Variants in ST3GAL1 observed in about 807,000 individuals in gnomAD.
ST3GAL1 encodes the protein ST3 beta-galactoside alpha-2,3-sialyltransferase 1.
Under a neutral mutation model 34.1 loss-of-function variants are expected in ST3GAL1, and 16 were observed. The observed-to-expected ratio is 0.47, with a 90% CI of 0.32 to 0.71. ST3GAL1 has a LOEUF of 0.71. Ranked by LOEUF, ST3GAL1 falls within the 30% of genes least tolerant of loss-of-function variation. ST3GAL1 has a pLI of 0.04. For missense variants in ST3GAL1, 353 were observed against 447.4 expected (o/e 0.79, Z 1.90); for synonymous variants, 191 against 184.7 (o/e 1.03, Z -0.28).
At chr8:133,474,747 C>A (rs1019544931) in intron 5 of ST3GAL1, among the ~76,000 whole-genome samples, 5 of 152,180 alleles carry the variant, frequency 3.3e-5, no homozygotes, top group African/African-American at 1.2e-4. Context: ...GCCTTCTCTG[C>A]CTGTGGGTCT....
chr8:133,493,547 C>T (rs1284024106), intron 3 of ST3GAL1, among the ~76,000 whole-genome samples: 1 of 152,092 alleles, frequency 6.6e-6, no homozygotes, highest in African/African-American at 2.4e-5. Flanking sequence ...GAAACATGAT[C>T]TAAAGAAAAA....
intron 2 of ST3GAL1, among the ~76,000 whole-genome samples, chr8:133,520,474 C>T (rs1817770749): frequency 6.6e-6 from 1 of 152,176 alleles, no homozygotes; most frequent in South Asian, 2.1e-4. Flanking sequence ...TCACAAGTCA[C>T]TGTGAAAAGC....
intron 2 of ST3GAL1, among the ~76,000 whole-genome samples, chr8:133,540,982 CA>C (rs1563734358): frequency 1.1e-5 from 1 of 92,986 alleles, no homozygotes; most frequent in African/African-American, 3.7e-5. Context: ...TATATGCAGA[CA>C]TATATATAGA....
chr8:133,492,216 G>A (rs1360970760), intron 3 of ST3GAL1, among the ~76,000 whole-genome samples: 2 of 152,134 alleles, frequency 1.3e-5, no homozygotes, highest in African/African-American at 2.4e-5. Flanking sequence ...GGGGTCAGGA[G>A]GCGTGGACCA....
Position 133,458,531 on chromosome 8 carries a change from G to A in ST3GAL1, c.*1233C>T, listed in dbSNP as rs1815381981. ...CTTTGGAGGTTACGGGCACCATATT[G>A]AACAGTCTGAGAATGAGAATGTACG... On this transcript the variant is annotated 3_prime_UTR_variant, in exon 10 of 10. Coordinates refer to ENST00000522652, the MANE Select transcript of ST3GAL1 (RefSeq NM_173344.3). 6.6e-6 allele frequency: 1 copy of A among 152,166 alleles called. No individual in the cohort carries two copies. Among genetic ancestry groups the A allele is most frequent in the Non-Finnish European group, 1.5e-5 (1 of 68,062 alleles). 9.4% of individuals were successfully genotyped at this position (152,166 alleles called of 1,614,324 possible). A position where few individuals can be genotyped will look rare whatever the true frequency, so the allele number is the denominator to read the frequency against.
At chr8:133,557,597 C>G (rs1441480620) in intron 1 of ST3GAL1, among the ~76,000 whole-genome samples, 1 of 152,174 alleles carries the variant, frequency 6.6e-6, no homozygotes, top group African/African-American at 2.4e-5. Context: ...CACCTGTAAT[C>G]CCAGCACTTT....
intron 2 of ST3GAL1, among the ~76,000 whole-genome samples, chr8:133,518,674 CAT>C (rs1248291098): frequency 1.3e-5 from 2 of 152,172 alleles, no homozygotes; most frequent in African/African-American, 4.8e-5. Flanking sequence ...GTCAGGTAAA[CAT>C]AGTGACAAGC....
intron 7 of ST3GAL1, among the ~76,000 whole-genome samples, chr8:133,464,302 A>G (rs1298954907): frequency 6.6e-6 from 1 of 152,196 alleles, no homozygotes; most frequent in Non-Finnish European, 1.5e-5. Context: ...CCTGATTGTC[A>G]GGGAAGCCAC....
At position 133,467,677 on chromosome 8, in the gene ST3GAL1, G is replaced by A. The variant is rs113412575; in HGVS notation, c.307-1587C>T. Among the ~76,000 whole-genome samples, 164 of 152,278 alleles carry A rather than the reference G, an allele frequency of 1.1e-3. No individual in the cohort carries two copies. Among genetic ancestry groups the A allele is most frequent in the African/African-American group, 3.8e-3 (159 of 41,580 alleles). On this transcript the variant is annotated intron_variant, in intron 5 of 9. Coordinates refer to ENST00000522652, the MANE Select transcript of ST3GAL1 (RefSeq NM_173344.3). The surrounding 1 kb of genome is among the most constrained non-coding windows in gnomAD (Gnocchi z 4.2). ...TCCCATCGGCTACTCCGGGCCCCAG[G>A]GGCAAGGGGTGGCTGGGAGAGGAAG...
intron 3 of ST3GAL1, among the ~76,000 whole-genome samples, chr8:133,495,072 C>A (rs1426524515): frequency 6.6e-6 from 1 of 152,012 alleles, no homozygotes; most frequent in Non-Finnish European, 1.5e-5. Context: ...GTGTGTGCCA[C>A]CACGCCCAGC....
chr8:133,563,746 AAC>A (rs1168011033), intron 1 of ST3GAL1, among the ~76,000 whole-genome samples: 3 of 152,204 alleles, frequency 2.0e-5, no homozygotes, highest in Non-Finnish European at 2.9e-5. Flanking sequence ...AATAGTAAAA[AAC>A]ACACTCCCGG....
chr8:133,538,081 T>G (rs941464438), intron 2 of ST3GAL1, among the ~76,000 whole-genome samples: 1 of 152,198 alleles, frequency 6.6e-6, no homozygotes, highest in African/African-American at 2.4e-5. Flanking sequence ...GAAAGATCTC[T>G]CTAGTGAAAG....
chr8:133,531,527 C>T (rs750620568), intron 2 of ST3GAL1, among the ~76,000 whole-genome samples: 5 of 152,080 alleles, frequency 3.3e-5, no homozygotes, highest in African/African-American at 1.2e-4. Flanking sequence ...ACCCAGTGGG[C>T]TGCAAGTGGA....
intron 2 of ST3GAL1, among the ~76,000 whole-genome samples, chr8:133,525,977 A>G (rs1817963063): frequency 6.6e-6 from 1 of 152,024 alleles, no homozygotes; most frequent in African/African-American, 2.4e-5. Flanking sequence ...TGCCCTGCCA[A>G]CTTGATAGAA....
At chr8:133,548,352 T>C (rs1728304501) in intron 1 of ST3GAL1, among the ~76,000 whole-genome samples, 1 of 152,180 alleles carries the variant, frequency 6.6e-6, no homozygotes, top group African/African-American at 2.4e-5. Context: ...ACCCTTCACA[T>C]TTCAGTGTAA....
intron 3 of ST3GAL1, among the ~76,000 whole-genome samples, chr8:133,481,194 G>T (rs1385950740): frequency 6.6e-6 from 1 of 152,232 alleles, no homozygotes; most frequent in Non-Finnish European, 1.5e-5. Flanking sequence ...TCTGGATGAG[G>T]CTGTCCTCCT....
chr8:133,554,918 G>A (rs1360698562), intron 1 of ST3GAL1, among the ~76,000 whole-genome samples: 2 of 151,860 alleles, frequency 1.3e-5, no homozygotes, highest in East Asian at 1.9e-4. Flanking sequence ...TAGTAGAGGT[G>A]GGGTTTCACC....
rs1816324093 is a variant in ST3GAL1 at position 133,480,063 on chromosome 8, G to A, written c.-373-3463C>T. ...GTCAAGTGTGCGGTGAGGGAGGCCG[G>A]GCCCCCCAGAACAAGGAGAAAGAAG... On this transcript the variant is annotated intron_variant, in intron 3 of 9. Transcript: ENST00000522652. Among the ~76,000 whole-genome samples the A allele has an allele frequency of 1.3e-5, 2 of 152,128 alleles. 1 individual carries two copies. The highest frequency in any genetic ancestry group is 1.3e-4 in the Admixed American group (2 of 15,280).
chr8:133,539,330 C>T (rs929008299), intron 2 of ST3GAL1, among the ~76,000 whole-genome samples: 12 of 152,316 alleles, frequency 7.9e-5, no homozygotes, highest in African/African-American at 2.6e-4. Context: ...TTGTGGCCAG[C>T]TCACCCGGCA....
Sources: gnomAD v4.1 joint callset for allele counts (sites outside exome capture counted in the v4.1 genomes callset) on GRCh38, gnomAD v4.1.1 for gene constraint, Gnocchi (gnomAD v3.1) non-coding constraint, MANE v1.5 for transcripts, NCBI Gene and HGNC (gene_info 2026-07-23, HGNC 2026-07-21) for gene names.